Variants in ANKS1A observed in about 807,000 individuals in gnomAD.
ANKS1A encodes the protein ankyrin repeat and sterile alpha motif domain containing 1A.
Under a neutral mutation model 120.3 loss-of-function variants are expected in ANKS1A, and 55 were observed. That is an observed-to-expected ratio of 0.46 (90% CI 0.37 to 0.57). ANKS1A has a LOEUF of 0.57. Among genes scored for constraint, ANKS1A ranks in the 20% least tolerant of loss-of-function variants. The pLI is 0.00. For missense variants in ANKS1A, 1,123 were observed against 1,480.3 expected (o/e 0.76, Z 3.96); for synonymous variants, 590 against 604.7 (o/e 0.98, Z 0.36).
At chr6:35,079,747 G>T in intron 15 of ANKS1A, 74 bp from the exon 16 acceptor site, 2 of 1,611,498 alleles carry the variant, frequency 1.2e-6, no homozygotes, top group Non-Finnish European at 1.7e-6. Context: ...CCCAGCGGAA[G>T]ATGCTGGGGG....
Position 34,982,108 on chromosome 6 carries a change from C to A in ANKS1A, c.732+122C>A. 8.2e-7 allele frequency: 1 copy of A among 1,214,560 alleles called. No homozygotes were observed. Among genetic ancestry groups the A allele is most frequent in the East Asian group, 2.4e-5 (1 of 41,182 alleles). The allele number at this position is 1,214,560 out of a possible 1,614,324, so 75.2% of individuals were successfully genotyped here. On this transcript the variant is annotated intron_variant, in intron 4 of 23. Coordinates refer to ENST00000360359, the MANE Select transcript of ANKS1A (RefSeq NM_015245.3). This position sits in a 1 kb window ranked among gnomAD's most constrained non-coding sequence, Gnocchi z 4.9. ...CACGTTTCACATCATGTTTCAAATG[C>A]TTATTTGCCGACTCATTCTAATGTG... is the stretch of plus-strand genomic sequence containing the variant.
chr6:35,025,424 T>C (rs1227488911), intron 11 of ANKS1A, among the ~76,000 whole-genome samples: 1 of 152,014 alleles, frequency 6.6e-6, no homozygotes, highest in Non-Finnish European at 1.5e-5. Flanking sequence ...AGAAAACTGG[T>C]GTGTTCAGCA....
intron 3 of ANKS1A, among the ~76,000 whole-genome samples, chr6:34,974,518 G>T (rs1404730945): frequency 1.3e-5 from 2 of 150,798 alleles, no homozygotes; most frequent in African/African-American, 2.4e-5. Context: ...CTGTTTTCTA[G>T]TCTTCAGAAT....
intron 8 of ANKS1A, among the ~76,000 whole-genome samples, chr6:34,987,503 C>T (rs1376197611): frequency 6.6e-6 from 1 of 152,072 alleles, no homozygotes; most frequent in Non-Finnish European, 1.5e-5. Context: ...TACAAGGTGG[C>T]ACTGGAACCA....
At chr6:34,918,370 A>G (rs1407097934) in intron 1 of ANKS1A, among the ~76,000 whole-genome samples, 1 of 152,206 alleles carries the variant, frequency 6.6e-6, no homozygotes, top group African/African-American at 2.4e-5. Flanking sequence ...TGGGGGTGGT[A>G]ATAGTATCTA....
At position 35,089,670 on chromosome 6, in the gene ANKS1A, C is replaced by T. The variant is rs1778197211; in HGVS notation, c.*1061C>T. The T allele has an allele frequency of 9.1e-6, 9 of 992,114 alleles. No homozygotes were observed. In the Admixed American group the frequency reaches 4.7e-4, roughly 52 times the overall value. The allele number at this position is 992,114 out of a possible 1,614,324, so 61.5% of individuals were successfully genotyped here. A position where few individuals can be genotyped will look rare whatever the true frequency, so the allele number is the denominator to read the frequency against. ...GTGACAGTGCATCGATGCTCCCCCG[C>T]GTGGCCTTTGGGGCAGGCTGGCATC... On this transcript the variant is annotated 3_prime_UTR_variant, in exon 24 of 24. Coordinates refer to ENST00000360359, the MANE Select transcript of ANKS1A (RefSeq NM_015245.3).
rs1398022438 is a variant in ANKS1A at position 35,003,666 on chromosome 6, G to GT, written c.1423+9245dup. Among the ~76,000 whole-genome samples the GT allele has an allele frequency of 3.3e-5, 5 of 152,278 alleles. No homozygotes were observed. In the East Asian group the frequency reaches 9.6e-4, roughly 29 times the overall value. The stretch of plus-strand genomic sequence containing the variant: ...TTGTTTGCTACCTGTACTTCTTCAA[G>GT]TGATAAAAAGCCTCATCGCTACCTT... On this transcript the variant is annotated intron_variant, in intron 10 of 23. Coordinates refer to ENST00000360359, the MANE Select transcript of ANKS1A (RefSeq NM_015245.3).
In ANKS1A at chr6:34,981,701, C is replaced by T. The variant is rs760916630; in HGVS notation, c.447C>T (p.Asn149=). 1.7e-5 allele frequency: 27 copies of T among 1,613,846 alleles called. No individual in the cohort carries two copies. The East Asian group carries it at 2.0e-4, about 12-fold the overall frequency. ...HTRVNEQNND[N]ETALHCAAQY... is the part of the protein sequence containing the mutation. ...TGTTAACCCTTTAGAACAATGACAA[C>T]GAGACAGCCCTGCATTGTGCAGCGC... The change falls in exon 4 of 24, where the codon AAC becomes AAT. Residue 149 remains asparagine (N), a synonymous_variant. Coordinates refer to ENST00000360359, the MANE Select transcript of ANKS1A (RefSeq NM_015245.3).
In ANKS1A at chr6:34,893,321, G is replaced by A. The variant is rs148264013; in HGVS notation, c.197+3722G>A. ...CACATTATTTATTTTTATTTTTGTAGAGATCGTGTCCCACTATGTTGCCCA... is the reference window on the plus strand; with the variant it reads ...CACATTATTTATTTTTATTTTTGTAAAGATCGTGTCCCACTATGTTGCCCA... On this transcript the variant is annotated intron_variant, in intron 1 of 23. Coordinates refer to ENST00000360359, the MANE Select transcript of ANKS1A (RefSeq NM_015245.3). Among the ~76,000 whole-genome samples the A allele has an allele frequency of 4.0e-3, 614 of 152,172 alleles. 1 individual carries two copies. The highest frequency in any genetic ancestry group is 0.014 in the Middle Eastern group (4 of 294).
chr6:35,070,861 A>T, intron 13 of ANKS1A: 1 of 614,864 alleles, frequency 1.6e-6, no homozygotes, highest in Non-Finnish European at 3.0e-6. Context: ...CCAAAGATTT[A>T]TTTCTTCATT....
chr6:34,933,469 C>T (rs576514823), intron 1 of ANKS1A, among the ~76,000 whole-genome samples: 1 of 152,318 alleles, frequency 6.6e-6, no homozygotes, highest in East Asian at 1.9e-4. Flanking sequence ...CTCCTGGATT[C>T]AAGCGATTCT....
chr6:34,930,446 G>A (rs1035529439), intron 1 of ANKS1A, among the ~76,000 whole-genome samples: 2 of 152,160 alleles, frequency 1.3e-5, no homozygotes, highest in African/African-American at 4.8e-5. Flanking sequence ...GTTCAGACTC[G>A]GCCCTGTTGC....
In ANKS1A at chr6:35,006,404, T is replaced by C. The variant is rs186343228; in HGVS notation, c.1424-11069T>C. On this transcript the variant is annotated intron_variant, in intron 10 of 23. Transcript: ENST00000360359. The stretch of plus-strand genomic sequence containing the variant: ...GTTTGTAACATAAAGGATAAATGCT[T>C]GAGAGTATGGATGCCCCACTCTCCG... Among the ~76,000 whole-genome samples, 251 of 152,148 alleles carry C rather than the reference T, an allele frequency of 1.6e-3. 1 individual carries two copies. The highest frequency in any genetic ancestry group is 5.8e-3 in the African/African-American group (241 of 41,514).
chr6:34,977,317 G>A (rs918955245), intron 3 of ANKS1A, among the ~76,000 whole-genome samples: 4 of 151,732 alleles, frequency 2.6e-5, no homozygotes, highest in African/African-American at 4.8e-5. Context: ...ACGTTGGTTT[G>A]TCTCATTCTT....
chr6:34,986,501 T>G (rs543463307), intron 8 of ANKS1A, among the ~76,000 whole-genome samples: 64 of 152,304 alleles, frequency 4.2e-4, no homozygotes, highest in African/African-American at 1.0e-3. Context: ...TTTTCAGGCC[T>G]GTGTTATTTC....
intron 10 of ANKS1A, among the ~76,000 whole-genome samples, chr6:34,995,775 T>A (rs1772820342): frequency 6.6e-6 from 1 of 152,230 alleles, no homozygotes; most frequent in Non-Finnish European, 1.5e-5. Flanking sequence ...TCCCATTGTG[T>A]GGATATACCC....
chr6:34,935,828 C>T (rs1238773794), intron 1 of ANKS1A, among the ~76,000 whole-genome samples: 1 of 151,684 alleles, frequency 6.6e-6, no homozygotes, highest in Non-Finnish European at 1.5e-5. Flanking sequence ...TTTGGGAGGC[C>T]GAGGCGGGCG....
chr6:34,938,488 C>G (rs1769366681), intron 1 of ANKS1A, among the ~76,000 whole-genome samples: 1 of 152,254 alleles, frequency 6.6e-6, no homozygotes. Flanking sequence ...TCACGTGCCA[C>G]TAGTGGCCAT....
Position 35,012,439 on chromosome 6 carries a change from G to T in ANKS1A, c.1424-5034G>T, listed in dbSNP as rs117105737. Among the ~76,000 whole-genome samples the T allele has an allele frequency of 2.9e-4, 44 of 152,316 alleles. No homozygotes were observed. In the East Asian group the frequency reaches 8.3e-3, roughly 29 times the overall value. On this transcript the variant is annotated intron_variant, in intron 10 of 23. Transcript: ENST00000360359. ...GTTCTCCTGCACACCCATGGTTTTT[G>T]ATGCTCACTATAGTGACTAGGCAGC...
Sources: allele counts gnomAD v4.1 joint callset (sites outside exome capture counted in the v4.1 genomes callset), GRCh38; gene constraint gnomAD v4.1.1; non-coding constraint Gnocchi (gnomAD v3.1); transcripts MANE v1.5; gene names NCBI Gene and HGNC (gene_info 2026-07-23, HGNC 2026-07-21).